SHISA6: variants seen among roughly 807,000 people sequenced by gnomAD.
SHISA6 encodes shisa family member 6, also known as protein shisa-6.
In SHISA6, 22 loss-of-function variants were observed where a neutral mutation model predicts 47.9. The ratio of observed to expected loss-of-function variants is 0.46; its 90% confidence interval spans 0.33 to 0.66. SHISA6 has a LOEUF of 0.66. Among genes scored for constraint, SHISA6 ranks in the 30% least tolerant of loss-of-function variants. The pLI, the probability that SHISA6 is intolerant of heterozygous loss-of-function variation, is 0.02. For missense variants in SHISA6, 680 were observed against 764.6 expected (o/e 0.89, Z 1.30); for synonymous variants, 388 against 337.8 (o/e 1.15, Z -1.63).
At chr17:11,464,981 T>C (rs1267787868) in intron 3 of SHISA6, among the ~76,000 whole-genome samples, 1 of 152,052 alleles carries the variant, frequency 6.6e-6, no homozygotes, top group Non-Finnish European at 1.5e-5. Context: ...AGGTTCATGC[T>C]ATTCAAAAAG....
chr17:11,264,588 T>C (rs59119051), intron 2 of SHISA6, among the ~76,000 whole-genome samples: 2,759 of 152,300 alleles, frequency 0.018, 88 homozygotes, highest in African/African-American at 0.062. Flanking sequence ...GAGAAAGCTT[T>C]TACTTTGATG....
chr17:11,302,336 C>T (rs1450824159), intron 2 of SHISA6, among the ~76,000 whole-genome samples: 1 of 152,174 alleles, frequency 6.6e-6, no homozygotes, highest in East Asian at 1.9e-4. Context: ...GAAGGAACCT[C>T]CTAAGTTTGT....
chr17:11,525,631 C>CAAAAAAAAAGAAAAAA (rs2071669811), intron 3 of SHISA6, among the ~76,000 whole-genome samples: 1 of 58,906 alleles, frequency 1.7e-5, no homozygotes, highest in Non-Finnish European at 3.0e-5. Context: ...GACTCCGTCT[C>CAAAAAAAAAGAAAAAA]AAAAAAAAAA....
chr17:11,378,697 C>T (rs1449908380), intron 2 of SHISA6, among the ~76,000 whole-genome samples: 4 of 152,196 alleles, frequency 2.6e-5, no homozygotes, highest in Non-Finnish European at 5.9e-5. Context: ...CCCCACAAAA[C>T]CACAGGTAGA....
chr17:11,489,319 T>C (rs17700344), intron 3 of SHISA6, among the ~76,000 whole-genome samples: 14,842 of 152,148 alleles, frequency 0.098, 915 homozygotes, highest in Non-Finnish European at 0.14. Context: ...TCTTCCCTTT[T>C]ATCTATTTTT....
intron 3 of SHISA6, among the ~76,000 whole-genome samples, chr17:11,500,829 G>T (rs1287537503): frequency 6.6e-6 from 1 of 152,280 alleles, no homozygotes; most frequent in African/African-American, 2.4e-5. Flanking sequence ...ATGGATTATG[G>T]ATTATACTTG....
At chr17:11,449,222 G>A (rs1404643177) in intron 3 of SHISA6, among the ~76,000 whole-genome samples, 1 of 152,056 alleles carries the variant, frequency 6.6e-6, no homozygotes, top group Non-Finnish European at 1.5e-5. Flanking sequence ...CAGGCACACT[G>A]CCCGAGCTCA....
At chr17:11,253,311 G>GT (rs5819309) in intron 1 of SHISA6, among the ~76,000 whole-genome samples, 3,033 of 144,856 alleles carry the variant, frequency 0.021, 100 homozygotes, top group African/African-American at 0.073. Flanking sequence ...CCTGGGCAAA[G>GT]TTTTTTTTTT....
intron 3 of SHISA6, among the ~76,000 whole-genome samples, chr17:11,523,558 G>C (rs920854480): frequency 6.6e-6 from 1 of 152,172 alleles, no homozygotes; most frequent in African/African-American, 2.4e-5. Flanking sequence ...GGCTGATTCT[G>C]ACTAACAAGG....
chr17:11,390,823 A>G (rs1913360528), intron 3 of SHISA6, among the ~76,000 whole-genome samples: 1 of 152,154 alleles, frequency 6.6e-6, no homozygotes, highest in Admixed American at 6.5e-5. Flanking sequence ...CAACAGAGAC[A>G]TGTTACATTT....
At chr17:11,263,072 G>A (rs1025032787) in intron 1 of SHISA6, among the ~76,000 whole-genome samples, 7 of 152,280 alleles carry the variant, frequency 4.6e-5, no homozygotes, top group African/African-American at 1.4e-4. Context: ...TGGCATAGGT[G>A]GATATTTGGG....
chr17:11,268,345 C>A (rs901743763), intron 2 of SHISA6, among the ~76,000 whole-genome samples: 1 of 152,142 alleles, frequency 6.6e-6, no homozygotes, highest in African/African-American at 2.4e-5. Context: ...GAGCACTCTG[C>A]CACAGTCCTG....
At chr17:11,396,607 A>G (rs1913579163) in intron 3 of SHISA6, among the ~76,000 whole-genome samples, 1 of 152,184 alleles carries the variant, frequency 6.6e-6, no homozygotes, top group Admixed American at 6.5e-5. Context: ...TCCCACCAAC[A>G]GTGTAAAAGC....
chr17:11,378,735 T>C (rs938730646), intron 2 of SHISA6, among the ~76,000 whole-genome samples: 2 of 152,130 alleles, frequency 1.3e-5, no homozygotes, highest in African/African-American at 4.8e-5. Context: ...CAGGGGATAG[T>C]GTCTGCTGCA....
At chr17:11,357,607 A>G (rs972926322) in intron 2 of SHISA6, among the ~76,000 whole-genome samples, 3 of 152,200 alleles carry the variant, frequency 2.0e-5, no homozygotes, top group Non-Finnish European at 2.9e-5. Context: ...AGAATTTCCC[A>G]TGGCATTAAA....
intron 3 of SHISA6, among the ~76,000 whole-genome samples, chr17:11,444,427 T>C (rs1238174821): frequency 6.6e-6 from 1 of 152,210 alleles, no homozygotes; most frequent in African/African-American, 2.4e-5. Flanking sequence ...ACCCACATTA[T>C]ATGGCACATG....
At chr17:11,386,105 GA>G (rs1416026649) in intron 3 of SHISA6, among the ~76,000 whole-genome samples, 1 of 152,192 alleles carries the variant, frequency 6.6e-6, no homozygotes, top group Non-Finnish European at 1.5e-5. Flanking sequence ...GTAAATGTCA[GA>G]AATGTTTCCT....
chr17:11,414,884 G>C (rs1411049770), intron 3 of SHISA6, among the ~76,000 whole-genome samples: 1 of 151,900 alleles, frequency 6.6e-6, no homozygotes, highest in African/African-American at 2.4e-5. Flanking sequence ...TCAGGAGTTT[G>C]AGACCAGCCT....
At chr17:11,513,540 A>G (rs1263778177) in intron 3 of SHISA6, among the ~76,000 whole-genome samples, 6 of 152,206 alleles carry the variant, frequency 3.9e-5, no homozygotes, top group Non-Finnish European at 5.9e-5. Flanking sequence ...TCTGGGTAAC[A>G]GATTCTGGAA....
Sources: gnomAD v4.1 joint callset for allele counts (sites outside exome capture counted in the v4.1 genomes callset) on GRCh38, gnomAD v4.1.1 for gene constraint, MANE v1.5 for transcripts, NCBI Gene and HGNC (gene_info 2026-07-23, HGNC 2026-07-21) for gene names.